UBXN2A: variants seen among roughly 807,000 people sequenced by gnomAD.
UBXN2A encodes UBX domain protein 2A, also known as UBX domain-containing protein 2A.
In UBXN2A, 28 loss-of-function variants were observed where a neutral mutation model predicts 28.4. The observed-to-expected ratio is 0.99, with a 90% CI of 0.73 to 1.35. The LOEUF (loss-of-function observed/expected upper bound fraction) is 1.35, where lower values mean the gene tolerates loss of function less well. Among genes scored for constraint, UBXN2A ranks in the 40% most tolerant of loss-of-function variants. The pLI is 0.00. For synonymous variants in UBXN2A, 97 were observed against 103.6 expected (o/e 0.94, Z 0.39); for missense variants, 253 against 297.9 (o/e 0.85, Z 1.11).
At chr2:23,946,486 AT>A (rs150762434) in intron 1 of UBXN2A, among the ~76,000 whole-genome samples, 4 of 149,978 alleles carry the variant, frequency 2.7e-5, no homozygotes, top group Non-Finnish European at 4.4e-5. Flanking sequence ...ATACCTGGCT[AT>A]TTTTTTTTGT....
chr2:23,964,813 T>C (rs1408009701), intron 2 of UBXN2A, among the ~76,000 whole-genome samples: 1 of 152,166 alleles, frequency 6.6e-6, no homozygotes, highest in African/African-American at 2.4e-5. Context: ...CTGAAGCTTC[T>C]GTACTTTTAT....
chr2:23,971,088 G>C, intron 2 of UBXN2A, among the ~76,000 whole-genome samples, 188 bp from the exon 3 acceptor site: 1 of 152,170 alleles, frequency 6.6e-6, no homozygotes. Flanking sequence ...TAGAGCTGAG[G>C]TTGAGAAAAC....
chr2:23,932,424 A>G (rs147468073), intron 1 of UBXN2A, among the ~76,000 whole-genome samples: 108 of 152,288 alleles, frequency 7.1e-4, no homozygotes, highest in African/African-American at 2.4e-3. Context: ...AAATCCTGCT[A>G]CAATAAGGAT....
intron 1 of UBXN2A, among the ~76,000 whole-genome samples, chr2:23,954,496 A>G (rs1040122810): frequency 5.9e-5 from 9 of 152,064 alleles, no homozygotes; most frequent in African/African-American, 2.2e-4. Context: ...TTTCCTCAGC[A>G]GCTGCAGTAT....
At chr2:23,931,050 T>C (rs908682711) in intron 1 of UBXN2A, among the ~76,000 whole-genome samples, 2 of 151,836 alleles carry the variant, frequency 1.3e-5, no homozygotes, top group Non-Finnish European at 2.9e-5. Context: ...ACCTGTAATC[T>C]CAGCTACTCA....
chr2:23,942,774 TTTTC>T (rs1705832819), intron 1 of UBXN2A, among the ~76,000 whole-genome samples: 3 of 151,964 alleles, frequency 2.0e-5, no homozygotes, highest in Non-Finnish European at 2.9e-5. Flanking sequence ...TTCTGTTTCT[TTTTC>T]TTTTTTAAAC....
intron 6 of UBXN2A, among the ~76,000 whole-genome samples, chr2:23,996,458 TTC>T (rs1034998023): frequency 3.3e-5 from 5 of 151,584 alleles, no homozygotes; most frequent in African/African-American, 1.2e-4. Flanking sequence ...TTTTTCTGTT[TTC>T]TTTTTTCTTT....
chr2:23,996,524 T>C (rs1280798011), intron 6 of UBXN2A, among the ~76,000 whole-genome samples: 1 of 151,072 alleles, frequency 6.6e-6, no homozygotes, highest in Non-Finnish European at 1.5e-5. Context: ...TTGCCCAGGC[T>C]GGAGTGCAGT....
chr2:23,952,143 T>A (rs1261160529), intron 1 of UBXN2A, among the ~76,000 whole-genome samples: 4 of 151,974 alleles, frequency 2.6e-5, no homozygotes, highest in African/African-American at 9.6e-5. Context: ...ATTTTTGTAT[T>A]TTTAGTAGAG....
chr2:23,977,624 A>G (rs1290482912), intron 4 of UBXN2A, among the ~76,000 whole-genome samples: 1 of 152,132 alleles, frequency 6.6e-6, no homozygotes. Flanking sequence ...CTGGACAACA[A>G]GAGCAAAACT....
intron 4 of UBXN2A, among the ~76,000 whole-genome samples, chr2:23,978,114 C>T (rs963900716): frequency 6.6e-6 from 1 of 152,136 alleles, no homozygotes; most frequent in Non-Finnish European, 1.5e-5. Flanking sequence ...AGGTGTGAGC[C>T]ACCACGCCTG....
At chr2:23,982,353 C>T (rs1037528026) in intron 4 of UBXN2A, among the ~76,000 whole-genome samples, 55 of 150,004 alleles carry the variant, frequency 3.7e-4, no homozygotes, top group Non-Finnish European at 7.1e-4. Context: ...GGCGACAGAG[C>T]AAGACTCCGT....
At chr2:23,935,875 C>A (rs573879099), upstream of UBXN2A, among the ~76,000 whole-genome samples, 10 of 152,182 alleles carry the variant, frequency 6.6e-5, 1 homozygote, top group South Asian at 2.1e-3. Flanking sequence ...CATGGCGAAA[C>A]CCCATCTCTA....
intron 3 of UBXN2A, 76 bp downstream of exon 3, chr2:23,971,490 T>G: frequency 1.4e-6 from 2 of 1,402,368 alleles, no homozygotes; most frequent in Non-Finnish European, 1.9e-6. Flanking sequence ...GTCCCTAAGG[T>G]CAAAATTGTT....
intron 6 of UBXN2A, among the ~76,000 whole-genome samples, chr2:23,991,021 C>T (rs1039084677): frequency 1.3e-5 from 2 of 152,136 alleles, no homozygotes; most frequent in African/African-American, 4.8e-5. Context: ...ATATGGGCCA[C>T]CACAACTCCC....
intron 1 of UBXN2A, among the ~76,000 whole-genome samples, chr2:23,955,153 G>A (rs924985536): frequency 7.9e-5 from 12 of 151,930 alleles, no homozygotes; most frequent in Non-Finnish European, 1.5e-4. Flanking sequence ...GAATGGTCTC[G>A]ATCTCCTGAC....
intron 5 of UBXN2A, 81 bp downstream of exon 5, chr2:23,983,114 C>A: frequency 7.4e-7 from 1 of 1,350,006 alleles, no homozygotes; most frequent in Non-Finnish European, 9.7e-7. Flanking sequence ...CCATGTAGAC[C>A]ACATGAATGG....
At chr2:23,973,360 A>G (rs987076779) in intron 3 of UBXN2A, among the ~76,000 whole-genome samples, 4 of 144,830 alleles carry the variant, frequency 2.8e-5, no homozygotes, top group Non-Finnish European at 6.0e-5. Context: ...TTTCTCTGAG[A>G]CAGAGTCTCG....
intron 1 of UBXN2A, among the ~76,000 whole-genome samples, chr2:23,947,624 A>G (rs576851905): frequency 6.6e-6 from 1 of 152,274 alleles, no homozygotes; most frequent in Non-Finnish European, 1.5e-5. Context: ...ATGATAGAAA[A>G]TGACTGCGGT....
Sources: gnomAD v4.1 joint callset for allele counts (sites outside exome capture counted in the v4.1 genomes callset) on GRCh38, gnomAD v4.1.1 for gene constraint, MANE v1.5 for transcripts, NCBI Gene and HGNC (gene_info 2026-07-23, HGNC 2026-07-21) for gene names.